SMG1: variants seen among roughly 807,000 people sequenced by gnomAD.
SMG1 encodes the protein serine/threonine-protein kinase SMG1.
A neutral mutation model predicts 419.9 loss-of-function variants in SMG1; 22 were observed. The ratio of observed to expected loss-of-function variants is 0.05; its 90% CI spans 0.04 to 0.07. The LOEUF (loss-of-function observed/expected upper bound fraction) is 0.07, where lower values mean the gene tolerates loss of function less well. Ranked by LOEUF, SMG1 falls within the 10% of genes least tolerant of loss-of-function variation. The pLI is 1.00. For missense variants in SMG1, 3,185 were observed against 4,342.0 expected, an observed-to-expected ratio of 0.73 and a Z score of 7.49; for synonymous variants, 1,538 against 1,553.5, an observed-to-expected ratio of 0.99 and a Z score of 0.23.
Position 18,883,339 on chromosome 16 carries a change from A to G in SMG1, c.1119+731T>C, listed in dbSNP as rs4286096. 4.4e-3 allele frequency among the ~76,000 whole-genome samples: 671 copies of G among 152,362 alleles called. 2 individuals carry two copies. Among genetic ancestry groups the G allele is most frequent in the Non-Finnish European group, 5.7e-3 (389 of 68,032 alleles). On this transcript the variant is annotated intron_variant, in intron 9 of 62. Transcript: ENST00000446231. ...ATTCGTACAGCCACAAAAGCTGGCT[A>G]AAGCCAAGGCTTGTCCTCCAAAGTA...
chr16:18,811,630 A>C, intron 62 of SMG1, 131 bp downstream of exon 62: 1 of 861,820 alleles, frequency 1.2e-6, no homozygotes, highest in East Asian at 2.4e-5. Flanking sequence ...GTTACTCAAA[A>C]TCTTCTGAAT....
At chr16:18,896,288 TA>T (rs1567439306) in intron 2 of SMG1, 81 bp from the exon 3 acceptor site, 1 of 1,305,122 alleles carries the variant, frequency 7.7e-7, no homozygotes, top group Non-Finnish European at 1.1e-6. Context: ...AGGATCTTAT[TA>T]CTCAATCTGC....
At chr16:18,841,442 G>C in intron 41 of SMG1, 123 bp downstream of exon 41, 1 of 773,940 alleles carries the variant, frequency 1.3e-6, no homozygotes, top group East Asian at 2.7e-5. Flanking sequence ...ACTCTCCTAG[G>C]GACCTCAAGT....
intron 58 of SMG1, 193 bp from the exon 59 acceptor site, chr16:18,815,844 TTAAA>T (rs1386502963): frequency 3.5e-6 from 2 of 574,508 alleles, no homozygotes; most frequent in Non-Finnish European, 6.0e-6. Context: ...AATTCTAAAA[TTAAA>T]TTATTTACTG....
chr16:18,828,780 C>T (rs1478580338), intron 54 of SMG1, among the ~76,000 whole-genome samples: 5 of 152,216 alleles, frequency 3.3e-5, no homozygotes, highest in Non-Finnish European at 7.3e-5. Context: ...GGGTGGATCA[C>T]CTAGGCTCGG....
chr16:18,910,309 C>T (rs1315499144), intron 1 of SMG1, among the ~76,000 whole-genome samples: 3 of 150,928 alleles, frequency 2.0e-5, no homozygotes, highest in Non-Finnish European at 1.5e-5. Flanking sequence ...TGGCTCACTG[C>T]AACCTCTGCC....
Position 18,871,457 on chromosome 16 carries a change from C to G in SMG1, c.2209G>C (p.Glu737Gln). 1 of 1,597,878 alleles carries G rather than the reference C, an allele frequency of 6.3e-7. No individual in the cohort carries two copies. The highest frequency in any genetic ancestry group is 8.5e-7 in the Non-Finnish European group (1 of 1,174,646). The change falls in exon 16 of 63, where the codon GAA (glutamate) becomes CAA (glutamine). Residue 737 changes from glutamate to glutamine, a missense_variant. Physicochemically the swap from Glu to Gln is conservative, Grantham distance 29 (BLOSUM62 2). This residue lies in a region of SMG1 where 297 missense variants were observed against 491.0 expected (regional missense o/e 0.60). Coordinates refer to ENST00000446231, the MANE Select transcript of SMG1 (RefSeq NM_015092.5). ...GACTTCTTCATTAAAACAGCTGCTT[C>G]CAAAGCCCAAGTCATTAACAGTTTC... ...TRKLLMTWAL[E>Q]AAVLMKKSET...
intron 6 of SMG1, among the ~76,000 whole-genome samples, chr16:18,889,066 C>T (rs1424463211): frequency 4.0e-5 from 6 of 148,488 alleles, no homozygotes; most frequent in Admixed American, 2.0e-4. Context: ...CCTCATTATC[C>T]GCCTGCCTCG....
chr16:18,867,697 CTTCTTTTTT>C (rs1357407381), intron 22 of SMG1, among the ~76,000 whole-genome samples: 21 of 125,456 alleles, frequency 1.7e-4, no homozygotes, highest in African/African-American at 5.2e-4. Context: ...ATTATTTTAA[CTTCTTTTTT>C]TTTTTTTTTT....
intron 1 of SMG1, among the ~76,000 whole-genome samples, chr16:18,924,086 A>G (rs1298434284): frequency 1.3e-5 from 2 of 152,208 alleles, no homozygotes; most frequent in Non-Finnish European, 2.9e-5. Flanking sequence ...TCGTCTACCA[A>G]GGCGTTACAT....
intron 26 of SMG1, 115 bp downstream of exon 26, chr16:18,860,552 T>C: frequency 1.6e-6 from 1 of 612,786 alleles, no homozygotes; most frequent in Non-Finnish European, 2.9e-6. Context: ...TCACATGGGA[T>C]TCTGCCCCCA....
intron 1 of SMG1, among the ~76,000 whole-genome samples, chr16:18,914,734 C>A (rs115935327): frequency 9.4e-4 from 143 of 152,160 alleles, no homozygotes; most frequent in African/African-American, 3.3e-3. Context: ...TCAGCAGGCA[C>A]GCAACTGACA....
intron 1 of SMG1, among the ~76,000 whole-genome samples, chr16:18,916,709 G>C (rs1043586847): frequency 1.3e-5 from 2 of 151,692 alleles, no homozygotes; most frequent in Non-Finnish European, 2.9e-5. Context: ...TCTATACAAG[G>C]GGAAGTATGT....
chr16:18,853,757 T>C lies in SMG1; in HGVS notation c.4594A>G (p.Ile1532Val), dbSNP rs1245260460. ...AKSILTLAKW[I>V]QAEWKEISGQ... ...GAAATCTCTTTCCATTCTGCCTGGA[T>C]CCATTTAGCCAGTGTCAGAATTGAT... Residue 1532 changes from isoleucine to valine, a missense_variant, in exon 31 of 63, where the codon ATC (isoleucine) becomes GTC (valine). Physicochemically the swap from Ile to Val is conservative, Grantham distance 29. Coordinates refer to ENST00000446231, the MANE Select transcript of SMG1 (RefSeq NM_015092.5). 15 of 1,613,956 alleles carry C rather than the reference T, an allele frequency of 9.3e-6. No homozygotes were observed. In the Admixed American group the frequency reaches 2.3e-4, roughly 25 times the overall value.
intron 58 of SMG1, chr16:18,815,915 C>A: frequency 2.1e-6 from 1 of 485,142 alleles, no homozygotes; most frequent in Non-Finnish European, 3.6e-6. Context: ...ACTTACTAGA[C>A]TATGTACAAC....
intron 60 of SMG1, 78 bp downstream of exon 60, chr16:18,815,097 A>G: frequency 1.1e-6 from 1 of 896,854 alleles, no homozygotes. Context: ...TTAATATTAG[A>G]CAGTTATGTA....
rs189344628 is a variant in SMG1, at chr16:18,837,048, C to T, written c.7604+205G>A. 1.6e-3 allele frequency among the ~76,000 whole-genome samples: 240 copies of T among 152,280 alleles called. 1 individual carries two copies. Among genetic ancestry groups the T allele is most frequent in the African/African-American group, 5.5e-3 (228 of 41,570 alleles). On this transcript the variant is annotated intron_variant, in intron 46 of 62. Coordinates refer to ENST00000446231, the MANE Select transcript of SMG1 (RefSeq NM_015092.5). ...CACCCACCTATCTCCCATAATTAGT[C>T]ATTCAAACATTTAAGTTAAATATAA... is the stretch of plus-strand genomic sequence containing the variant.
At chr16:18,903,594 G>A (rs1185461588) in intron 1 of SMG1, among the ~76,000 whole-genome samples, 1 of 152,256 alleles carries the variant, frequency 6.6e-6, no homozygotes, top group African/African-American at 2.4e-5. Context: ...GAGCTAGTGG[G>A]CAACTGATCC....
chr16:18,833,195 A>G lies in SMG1; in HGVS notation c.8566-29T>C, dbSNP rs778408058. 5.7e-6 allele frequency: 9 copies of G among 1,580,506 alleles called. No individual in the cohort carries two copies. The East Asian group carries it at 2.1e-4, about 36-fold the overall frequency. ...TAAATATATGAGAAAAAAACTTTTA[A>G]TGTTTTTTGAGTTTAGCTAAGTTAC... On this transcript the variant is annotated intron_variant, in intron 50 of 62. Coordinates refer to ENST00000446231, the MANE Select transcript of SMG1 (RefSeq NM_015092.5).
Sources: allele counts gnomAD v4.1 joint callset (sites outside exome capture counted in the v4.1 genomes callset), GRCh38; gene constraint gnomAD v4.1.1; regional missense constraint gnomAD v4.1.1; transcripts MANE v1.5; gene names NCBI Gene and HGNC (gene_info 2026-07-23, HGNC 2026-07-21).